Variants in GART observed in about 807,000 individuals in gnomAD.
GART encodes phosphoribosylglycinamide formyltransferase, phosphoribosylglycinamide synthetase, phosphoribosylaminoimidazole synthetase.
In GART, 43 loss-of-function variants were observed where a neutral mutation model predicts 107.2. The observed-to-expected ratio is 0.40, with a 90% CI of 0.31 to 0.52. GART has a LOEUF of 0.52. Among genes scored for constraint, GART ranks in the 20% least tolerant of loss-of-function variants. The pLI is 0.52. For synonymous variants in GART, 434 were observed against 427.0 expected, an observed-to-expected ratio of 1.02 and a Z score of -0.20; for missense variants, 1,107 against 1,206.5, an observed-to-expected ratio of 0.92 and a Z score of 1.22.
At chr21:33,509,687 G>A in intron 18 of GART, 96 bp downstream of exon 18, 1 of 1,291,714 alleles carries the variant, frequency 7.7e-7, no homozygotes, top group Non-Finnish European at 1.1e-6. Flanking sequence ...CCAGTCCCTA[G>A]ACTCTGCCGA....
At chr21:33,524,524 AAAC>A in intron 11 of GART, 2 of 1,105,610 alleles carry the variant, frequency 1.8e-6, no homozygotes, top group Non-Finnish European at 2.2e-6. Context: ...AAAAAATAGA[AAAC>A]AAATAAAAAT....
At chr21:33,532,061 T>C in intron 5 of GART, 1 of 329,526 alleles carries the variant, frequency 3.0e-6, no homozygotes, top group Non-Finnish European at 5.5e-6. Flanking sequence ...ATGGATGGCT[T>C]GATAATTTAT....
chr21:33,515,572 G>A (rs188247037), intron 16 of GART, among the ~76,000 whole-genome samples: 141 of 149,362 alleles, frequency 9.4e-4, no homozygotes, highest in African/African-American at 3.4e-3. Flanking sequence ...TCCAGGAGGC[G>A]GAGGTTGCAG....
At chr21:33,536,789 A>G (rs916928589) in intron 2 of GART, among the ~76,000 whole-genome samples, 5 of 152,256 alleles carry the variant, frequency 3.3e-5, no homozygotes, top group African/African-American at 1.2e-4. Flanking sequence ...TATGCTGGAC[A>G]AAAAGATTCA....
At chr21:33,530,930 T>TA (rs763359438) in intron 6 of GART, 46 bp from the exon 7 acceptor site, 10,833 of 1,217,166 alleles carry the variant, frequency 8.9e-3, no homozygotes, top group South Asian at 0.015. Flanking sequence ...TGTCAAAAAC[T>TA]AAAAAAAAAA....
At chr21:33,521,948 T>C in intron 12 of GART, among the ~76,000 whole-genome samples, 1 of 126,976 alleles carries the variant, frequency 7.9e-6, no homozygotes, top group East Asian at 2.4e-4. Context: ...AAGACTCTTG[T>C]CTCAAAAAAA....
intron 4 of GART, among the ~76,000 whole-genome samples, chr21:33,534,356 G>A (rs1358159234): frequency 6.6e-6 from 1 of 151,872 alleles, no homozygotes; most frequent in African/African-American, 2.4e-5. Context: ...GGGACTACAG[G>A]TGCACACCAT....
At chr21:33,528,451 G>A in intron 9 of GART, 68 bp downstream of exon 9, 1 of 1,536,616 alleles carries the variant, frequency 6.5e-7, no homozygotes, top group East Asian at 2.3e-5. Context: ...TTACTTCCAG[G>A]CTGATAAATT....
At chr21:33,523,704 C>T (rs928331599) in intron 11 of GART, among the ~76,000 whole-genome samples, 4 of 152,136 alleles carry the variant, frequency 2.6e-5, no homozygotes, top group South Asian at 4.1e-4. Flanking sequence ...CGGTGGCTCA[C>T]GCCTGTAATC....
chr21:33,511,064 T>TGCA (rs2084776395), intron 17 of GART, among the ~76,000 whole-genome samples, 188 bp downstream of exon 17: 4 of 152,160 alleles, frequency 2.6e-5, no homozygotes, highest in Admixed American at 2.0e-4. Flanking sequence ...TGCTTAGTTC[T>TGCA]GAGGCAGAAA....
intron 10 of GART, among the ~76,000 whole-genome samples, 198 bp downstream of exon 10, chr21:33,527,969 A>G (rs1270727671): frequency 2.0e-5 from 3 of 152,196 alleles, no homozygotes; most frequent in Non-Finnish European, 4.4e-5. Flanking sequence ...ACAGGAAGGG[A>G]AATCAACGGT....
In GART at chr21:33,509,851, C is replaced by A; in HGVS notation, c.2384G>T (p.Gly795Val). The A allele has an allele frequency of 6.2e-7, 1 of 1,613,392 alleles. No homozygotes were observed. Among genetic ancestry groups the A allele is most frequent in the Non-Finnish European group, 8.5e-7 (1 of 1,179,536 alleles). The stretch of plus-strand genomic sequence containing the variant: ...AAAAGAGAAATGATTTGTCAGGGAG[C>A]CATTCTTCAACACTGACCCATTTAT... ...MQINGSVLKNGSLTNHFSFEK... is the reference protein window; with the variant it reads ...MQINGSVLKNVSLTNHFSFEK... Residue 795 changes from glycine to valine, a missense_variant, in exon 18 of 22, where the codon GGC becomes GTC. Physicochemically the swap from Gly to Val is moderately radical, Grantham distance 109. Coordinates refer to ENST00000381815, the MANE Select transcript of GART (RefSeq NM_000819.5).
chr21:33,521,703 T>C (rs914916364), intron 12 of GART, among the ~76,000 whole-genome samples: 5 of 148,388 alleles, frequency 3.4e-5, no homozygotes, highest in Non-Finnish European at 7.4e-5. Flanking sequence ...CTCATGCCTA[T>C]AATCCCAGCA....
rs779747903 is a variant in GART, at chr21:33,532,312, G to GAAAAGT, written c.528+27_528+32dup. The GAAAAGT allele has an allele frequency of 1.4e-5, 20 of 1,473,364 alleles. No individual in the cohort carries two copies. The Admixed American group carries it at 3.2e-4, about 24-fold the overall frequency. 91.3% of individuals were successfully genotyped at this position (1,473,364 alleles called of 1,614,324 possible). On this transcript the variant is annotated intron_variant, in intron 5 of 21. Transcript: ENST00000381815. The stretch of plus-strand genomic sequence containing the variant: ...AAACGGTATTTATTCAGTATGAATA[G>GAAAAGT]AAAAGTAAATTTTTTCAGAAGACCC...
chr21:33,506,486 A>C (rs532789114), intron 18 of GART, among the ~76,000 whole-genome samples: 4 of 152,334 alleles, frequency 2.6e-5, no homozygotes, highest in East Asian at 1.9e-4. Context: ...AATAGGGGAC[A>C]GTCAAATTTT....
At chr21:33,517,741 TACCA>T (rs2084904853) in intron 14 of GART, 133 bp from the exon 15 acceptor site, 10 of 896,688 alleles carry the variant, frequency 1.1e-5, no homozygotes, top group Non-Finnish European at 1.7e-5. Flanking sequence ...AAATGTACTC[TACCA>T]GCTGTCTAAC....
At chr21:33,515,652 C>CAAAAAAAAAAAAAAAA (rs71194850) in intron 16 of GART, among the ~76,000 whole-genome samples, 2 of 35,870 alleles carry the variant, frequency 5.6e-5, no homozygotes, top group Non-Finnish European at 9.5e-5. Context: ...GACTCCAACT[C>CAAAAAAAAAAAAAAAA]AAAAAAAAAA....
intron 17 of GART, among the ~76,000 whole-genome samples, chr21:33,511,012 T>C (rs1321562598): frequency 6.6e-6 from 1 of 152,034 alleles, no homozygotes; most frequent in Non-Finnish European, 1.5e-5. Flanking sequence ...GGGAGATTAC[T>C]TTGGGAAGCG....
intron 11 of GART, 37 bp from the exon 12 acceptor site, chr21:33,522,319 G>A (rs764003841): frequency 1.5e-6 from 2 of 1,339,278 alleles, no homozygotes; most frequent in South Asian, 2.4e-5. Context: ...CTAAACGTCA[G>A]GGAAAATTAT....
Sources: gnomAD v4.1 joint callset for allele counts (sites outside exome capture counted in the v4.1 genomes callset) on GRCh38, gnomAD v4.1.1 for gene constraint, MANE v1.5 for transcripts, NCBI Gene and HGNC (gene_info 2026-07-23, HGNC 2026-07-21) for gene names.